Variants in CELF2 observed in about 807,000 individuals in gnomAD.
CELF2 encodes the protein CUGBP Elav-like family member 2.
In CELF2, 8 loss-of-function variants were observed where a neutral mutation model predicts 62.6. The observed-to-expected ratio is 0.13, with a 90% confidence interval of 0.07 to 0.23. The LOEUF is 0.23. CELF2 is among the 10% of genes least tolerant of loss of function. The probability of loss-of-function intolerance (pLI) is 1.00; values close to 1 mark genes in which losing one functional copy is unlikely to be tolerated. For missense variants in CELF2, 333 were observed against 671.0 expected (o/e 0.50, Z 5.56); for synonymous variants, 258 against 250.0 (o/e 1.03, Z -0.30).
At chr10:10,914,889 G>T (rs2134489575) in intron 1 of CELF2, among the ~76,000 whole-genome samples, 1 of 152,208 alleles carries the variant, frequency 6.6e-6, no homozygotes, top group South Asian at 2.1e-4. Context: ...AGCACTTTGG[G>T]AGGCCGAGGC....
chr10:10,765,056 C>T, the CELF2 span, among the ~76,000 whole-genome samples: 3 of 152,180 alleles, frequency 2.0e-5, no homozygotes, highest in East Asian at 5.8e-4. Flanking sequence ...ACTAGTACCA[C>T]CTTTGGGGGT....
At chr10:10,738,483 T>C in the CELF2 span, among the ~76,000 whole-genome samples, 2 of 152,304 alleles carry the variant, frequency 1.3e-5, no homozygotes, top group Admixed American at 1.3e-4. Flanking sequence ...TGCCAGGGCA[T>C]GTACCCTTGG....
chr10:10,519,021 C>A, the CELF2 span, among the ~76,000 whole-genome samples: 4 of 152,086 alleles, frequency 2.6e-5, no homozygotes, highest in African/African-American at 4.8e-5. Context: ...GGAAGTCAAT[C>A]AAAAAATAAC....
At chr10:10,648,962 G>A in the CELF2 span, among the ~76,000 whole-genome samples, 2 of 152,190 alleles carry the variant, frequency 1.3e-5, no homozygotes, top group East Asian at 1.9e-4. Context: ...GAGAGCCACT[G>A]CATTGAAATG....
Position 11,267,408 on chromosome 10 carries a change from T to A in CELF2, c.618+731T>A, listed in dbSNP as rs1405786172. On this transcript the variant is annotated intron_variant, in intron 6 of 12. Coordinates refer to ENST00000633077, the MANE Select transcript of CELF2 (RefSeq NM_001326342.2). This position sits in a 1 kb window ranked among gnomAD's most constrained non-coding sequence, Gnocchi z 4.4. ...AGTCTGTGATTTGGGTCATGGCCTT[T>A]CAGAATTTTGCACAAAAGCATTCCA... Among the ~76,000 whole-genome samples the A allele has an allele frequency of 1.3e-5, 2 of 152,292 alleles. No individual in the cohort carries two copies. The highest frequency in any genetic ancestry group is 4.8e-5 in the African/African-American group (2 of 41,556).
chr10:10,944,012 C>G (rs2047361387), intron 2 of CELF2, among the ~76,000 whole-genome samples: 2 of 152,212 alleles, frequency 1.3e-5, no homozygotes, highest in African/African-American at 4.8e-5. Flanking sequence ...TGAGTCCATA[C>G]TTAACTATGA....
At chr10:10,794,438 C>T (rs920656181), upstream of CELF2, among the ~76,000 whole-genome samples, 12 of 152,102 alleles carry the variant, frequency 7.9e-5, no homozygotes, top group African/African-American at 2.9e-4. Context: ...TTAAAGCAAG[C>T]CGCTCCAAAA....
chr10:11,226,382 G>A (rs1002608388), intron 3 of CELF2, among the ~76,000 whole-genome samples: 10 of 152,154 alleles, frequency 6.6e-5, no homozygotes, highest in Admixed American at 2.0e-4. Context: ...TGCCGGTCCC[G>A]GCAAGTGGTC....
rs367755984 is a variant in CELF2, at chr10:11,118,425, C to T, written c.75-47061C>T. 3.9e-5 allele frequency among the ~76,000 whole-genome samples: 6 copies of T among 152,084 alleles called. No individual in the cohort carries two copies. In the East Asian group the frequency reaches 1.2e-3, roughly 29 times the overall value. ...CAAGTGATCCTCAGGCCTCAGCCTCCCAAAGTGCTGGGATTACAAGTGTGA... is the reference window on the plus strand; with the variant it reads ...CAAGTGATCCTCAGGCCTCAGCCTCTCAAAGTGCTGGGATTACAAGTGTGA... On this transcript the variant is annotated intron_variant, in intron 1 of 12. Transcript: ENST00000633077.
chr10:10,755,141 C>G, the CELF2 span, among the ~76,000 whole-genome samples: 1 of 152,140 alleles, frequency 6.6e-6, no homozygotes, highest in Non-Finnish European at 1.5e-5. Context: ...GGTTTGTAAT[C>G]TCAAAATGTC....
At chr10:10,687,981 C>T in the CELF2 span, among the ~76,000 whole-genome samples, 2 of 152,208 alleles carry the variant, frequency 1.3e-5, no homozygotes, top group African/African-American at 2.4e-5. Context: ...AAAGCCTTAC[C>T]ATTGTTCTTT....
the CELF2 span, among the ~76,000 whole-genome samples, chr10:10,465,384 C>T: frequency 4.6e-5 from 7 of 152,094 alleles, no homozygotes; most frequent in African/African-American, 1.7e-4. Flanking sequence ...AGCATTGTAT[C>T]AGGCTATTGG....
In CELF2 at chr10:10,936,802, C is replaced by T. The variant is rs1592143829; in HGVS notation, c.89+16803C>T. 6.6e-6 allele frequency: 1 copy of T among 152,292 alleles called. No individual in the cohort carries two copies. Among genetic ancestry groups the T allele is most frequent in the East Asian group, 1.9e-4 (1 of 5,176 alleles). The allele number at this position is 152,292 out of a possible 1,614,324, so 9.4% of individuals were successfully genotyped here. A position where few individuals can be genotyped will look rare whatever the true frequency, so the allele number is the denominator to read the frequency against. On this transcript the variant is annotated intron_variant, in intron 2 of 13. Transcript: ENST00000636488. This position sits in a 1 kb window ranked among gnomAD's most constrained non-coding sequence, Gnocchi z 4.0. Reference sequence around the variant, plus strand: ...AATGGTGCTCCTCAAATTTAGGTGGCTATGGAAGTGACCGGAGGATTGTGT... The same window carrying T: ...AATGGTGCTCCTCAAATTTAGGTGGTTATGGAAGTGACCGGAGGATTGTGT...
chr10:10,751,048 A>G, the CELF2 span, among the ~76,000 whole-genome samples: 1 of 152,272 alleles, frequency 6.6e-6, no homozygotes, highest in African/African-American at 2.4e-5. Flanking sequence ...AGCGATGTCT[A>G]GAAATCCCTG....
chr10:10,601,499 C>T, the CELF2 span, among the ~76,000 whole-genome samples: 1 of 152,170 alleles, frequency 6.6e-6, no homozygotes. Flanking sequence ...ATCCCTATGA[C>T]TTTGGGCCAG....
At chr10:10,705,605 G>C in the CELF2 span, among the ~76,000 whole-genome samples, 2 of 152,098 alleles carry the variant, frequency 1.3e-5, no homozygotes, top group Admixed American at 1.3e-4. Flanking sequence ...TAAGAGATCA[G>C]AAAACAGCAT....
At chr10:11,288,649 C>A (rs1350722530) in intron 9 of CELF2, 97 bp downstream of exon 9, 4 of 1,380,484 alleles carry the variant, frequency 2.9e-6, no homozygotes, top group Non-Finnish European at 3.9e-6. Context: ...TAGACGTGTC[C>A]AGGATGGAGC....
chr10:10,687,054 G>A, the CELF2 span, among the ~76,000 whole-genome samples: 1 of 152,046 alleles, frequency 6.6e-6, no homozygotes, highest in South Asian at 2.1e-4. Flanking sequence ...TACCTGTTTC[G>A]ATTCTGCTTT....
At chr10:10,488,661 C>T in the CELF2 span, among the ~76,000 whole-genome samples, 1 of 151,962 alleles carries the variant, frequency 6.6e-6, no homozygotes, top group Non-Finnish European at 1.5e-5. Flanking sequence ...TATTTCTACA[C>T]TTTTATTCTC....
Sources: allele counts gnomAD v4.1 joint callset (sites outside exome capture counted in the v4.1 genomes callset), GRCh38; gene constraint gnomAD v4.1.1; non-coding constraint Gnocchi (gnomAD v3.1); transcripts MANE v1.5; gene names NCBI Gene and HGNC (gene_info 2026-07-23, HGNC 2026-07-21).